The following C1orf198 variants were observed in gnomAD, a reference collection of about 807,000 sequenced individuals.
C1orf198 encodes the protein chromosome 1 open reading frame 198.
A neutral mutation model predicts 31.4 loss-of-function variants in C1orf198; 17 were observed. The observed-to-expected ratio is 0.54, with a 90% CI of 0.37 to 0.81. The LOEUF (loss-of-function observed/expected upper bound fraction) is 0.81, where lower values mean the gene tolerates loss of function less well. Ranked by LOEUF, C1orf198 falls within the 40% of genes least tolerant of loss-of-function variation. The probability of loss-of-function intolerance (pLI) is 0.00; values close to 1 mark genes in which losing one functional copy is unlikely to be tolerated. For synonymous variants in C1orf198, 175 were observed against 193.8 expected (o/e 0.90, Z 0.81); for missense variants, 401 against 450.3 (o/e 0.89, Z 0.99).
At chr1:230,853,761 A>G (rs1003464541) in intron 2 of C1orf198, among the ~76,000 whole-genome samples, 6 of 152,202 alleles carry the variant, frequency 3.9e-5, no homozygotes, top group East Asian at 1.9e-4. Context: ...TGGGTGACAC[A>G]TATTAACCAG....
In C1orf198 at chr1:230,853,533, C is replaced by T. The variant is rs546584770; in HGVS notation, c.384+2135G>A. Among the ~76,000 whole-genome samples, 12 of 152,186 alleles carry T rather than the reference C, an allele frequency of 7.9e-5. No homozygotes were observed. In the South Asian group the frequency reaches 2.5e-3, roughly 32 times the overall value. On this transcript the variant is annotated intron_variant, in intron 2 of 3. Coordinates refer to ENST00000366663, the MANE Select transcript of C1orf198 (RefSeq NM_032800.3). ...GTGAAGAAGGAGGAAGGGACAGCTC[C>T]CTTGCTCTCTGAGATACGCTCTATT...
rs770424358 is a variant in C1orf198, at chr1:230,868,492, C to A, written c.21G>T (p.Ala7=). The A allele has an allele frequency of 2.2e-5, 32 of 1,478,320 alleles. No individual in the cohort carries two copies. In the Admixed American group the frequency reaches 3.6e-4, roughly 17 times the overall value. 91.6% of individuals were successfully genotyped at this position (1,478,320 alleles called of 1,614,324 possible). A position where few individuals can be genotyped will look rare whatever the true frequency, so the allele number is the denominator to read the frequency against. The change falls in exon 1 of 4, where the codon GCG becomes GCT. Residue 7 remains alanine, a synonymous_variant. Transcript: ENST00000366663. MASMAA[A]IAASRSAVMS... is the part of the protein sequence containing the mutation. Reference sequence around the variant, plus strand: ...TGACCGCCGAGCGCGAAGCCGCGATCGCCGCCGCCATGGACGCCATGCCCG... The same window carrying A: ...TGACCGCCGAGCGCGAAGCCGCGATAGCCGCCGCCATGGACGCCATGCCCG...
Position 230,843,918 on chromosome 1 carries a change from G to A in C1orf198, c.385-22C>T, listed in dbSNP as rs780063803. The A allele has an allele frequency of 1.3e-6, 2 of 1,496,624 alleles. No individual in the cohort carries two copies. Among genetic ancestry groups the A allele is most frequent in the Non-Finnish European group, 1.8e-6 (2 of 1,128,930 alleles). 92.7% of individuals were successfully genotyped at this position (1,496,624 alleles called of 1,614,324 possible). A position where few individuals can be genotyped will look rare whatever the true frequency, so the allele number is the denominator to read the frequency against. The stretch of plus-strand genomic sequence containing the variant: ...GACTCTAGGGTGGGACATGAGAAAG[G>A]ACAGAAAAAAGAAAGAGATCCTGAG... On this transcript the variant is annotated intron_variant, in intron 2 of 3. Transcript: ENST00000366663. The surrounding 1 kb of genome is among the most constrained non-coding windows in gnomAD (Gnocchi z 4.9).
chr1:230,861,809 T>G (rs1572139367), intron 1 of C1orf198, among the ~76,000 whole-genome samples: 1 of 151,478 alleles, frequency 6.6e-6, no homozygotes. Flanking sequence ...AGGCGGGGAG[T>G]GAGGGGCTTT....
rs1292070097 is a variant in C1orf198, at chr1:230,868,322, G to C, written c.191C>G (p.Ala64Gly). ...YGPEWARLPP[A>G]QQDEIIDRCL... ...CCGGTCGATGATCTCGTCCTGCTGC[G>C]CGGGCGGCAGCCGCGCCCACTCGGG... Residue 64 changes from alanine to glycine, a missense_variant, in exon 1 of 4, where the codon GCG becomes GGG. Physicochemically the swap from Ala to Gly is moderately conservative, Grantham distance 60 (BLOSUM62 0). Transcript: ENST00000366663. 1 of 1,596,002 alleles carries C rather than the reference G, an allele frequency of 6.3e-7. No homozygotes were observed. Among genetic ancestry groups the C allele is most frequent in the South Asian group, 1.1e-5 (1 of 89,388 alleles).
intron 2 of C1orf198, among the ~76,000 whole-genome samples, chr1:230,847,047 G>A (rs1162886514): frequency 6.9e-6 from 1 of 144,252 alleles, no homozygotes; most frequent in Non-Finnish European, 1.5e-5. Context: ...AGCTTGCAGT[G>A]AGCCGAAATC....
At chr1:230,861,799 A>G (rs1360382544) in intron 1 of C1orf198, among the ~76,000 whole-genome samples, 1 of 152,166 alleles carries the variant, frequency 6.6e-6, no homozygotes, top group African/African-American at 2.4e-5. Context: ...AAAAACAGCT[A>G]GGCGGGGAGT....
At position 230,844,139 on chromosome 1, in the gene C1orf198, C is replaced by T. The variant is rs571239700; in HGVS notation, c.385-243G>A. On this transcript the variant is annotated intron_variant, in intron 2 of 3. Transcript: ENST00000366663. ...CGGGTGACAGAGTGTGGGTGGTGGT[C>T]CCCTCCCAAATCTCATGTCGAACTG... is the stretch of plus-strand genomic sequence containing the variant. Among the ~76,000 whole-genome samples the T allele has an allele frequency of 8.7e-4, 132 of 152,114 alleles. 1 individual carries two copies. The highest frequency in any genetic ancestry group is 3.1e-3 in the African/African-American group (130 of 41,494).
Position 230,840,179 on chromosome 1 carries a change from T to C in C1orf198, c.928-271A>G, listed in dbSNP as rs920804520. ...ACAGACCTTACAGAGAAAAGAACAA[T>C]GTCTCTGTATTTTTCTATAAATCTT... On this transcript the variant is annotated intron_variant, in intron 3 of 3. Coordinates refer to ENST00000366663, the MANE Select transcript of C1orf198 (RefSeq NM_032800.3). The surrounding 1 kb of genome is among the most constrained non-coding windows in gnomAD (Gnocchi z 4.0). Among the ~76,000 whole-genome samples the C allele has an allele frequency of 2.0e-5, 3 of 152,198 alleles. No individual in the cohort carries two copies. Among genetic ancestry groups the C allele is most frequent in the Middle Eastern group, 3.2e-3 (1 of 316 alleles).
At position 230,838,515 on chromosome 1, in the gene C1orf198, A is replaced by T. The variant is rs1010189; in HGVS notation, c.*1337T>A. 51,299 of 126,938 alleles carry T rather than the reference A, an allele frequency of 0.4. 8,775 individuals carry two copies. The highest frequency in any genetic ancestry group is 0.52 in the East Asian group (2,379 of 4,614). The allele number at this position is 126,938 out of a possible 1,614,324, so 7.9% of individuals were successfully genotyped here. ...AGAAGGTCCTATGAAACAGGCATTT[A>T]AAAAAAAAAAAAAAAGAAGAAGACA... On this transcript the variant is annotated 3_prime_UTR_variant, in exon 4 of 4. Coordinates refer to ENST00000366663, the MANE Select transcript of C1orf198 (RefSeq NM_032800.3). This position sits in a 1 kb window ranked among gnomAD's most constrained non-coding sequence, Gnocchi z 4.2.
At chr1:230,865,862 G>C (rs139313198) in intron 1 of C1orf198, among the ~76,000 whole-genome samples, 2 of 152,202 alleles carry the variant, frequency 1.3e-5, no homozygotes, top group African/African-American at 4.8e-5. Context: ...GACTTAAAAC[G>C]TTGCTATGTG....
intron 1 of C1orf198, among the ~76,000 whole-genome samples, chr1:230,859,771 T>C (rs924715353): frequency 1.3e-5 from 2 of 152,178 alleles, no homozygotes; most frequent in African/African-American, 4.8e-5. Flanking sequence ...GAGTATTTGC[T>C]CTTCTCTGGG....
chr1:230,855,977 A>G lies in C1orf198; in HGVS notation c.334-259T>C, dbSNP rs373700711. 1,808 of 1,271,502 alleles carry G rather than the reference A, an allele frequency of 1.4e-3. 1 individual carries two copies. The highest frequency in any genetic ancestry group is 1.7e-3 in the Non-Finnish European group (1,685 of 1,006,798). 78.8% of individuals were successfully genotyped at this position (1,271,502 alleles called of 1,614,324 possible). A position where few individuals can be genotyped will look rare whatever the true frequency, so the allele number is the denominator to read the frequency against. Reference sequence around the variant, plus strand: ...CAGGGAATGCCGGTGAGGCCCCCCAATGGACTCAGACAGATGAGATGAGTA... The same window carrying G: ...CAGGGAATGCCGGTGAGGCCCCCCAGTGGACTCAGACAGATGAGATGAGTA... On this transcript the variant is annotated intron_variant, in intron 1 of 3. Transcript: ENST00000366663.
At chr1:230,853,501 C>T (rs1669796135) in intron 2 of C1orf198, among the ~76,000 whole-genome samples, 2 of 152,092 alleles carry the variant, frequency 1.3e-5, no homozygotes, top group Admixed American at 1.3e-4. Flanking sequence ...AAACTCGGCA[C>T]TGCCTAGTGA....
intron 3 of C1orf198, 90 bp from the exon 4 acceptor site, chr1:230,839,998 C>T: frequency 8.7e-7 from 1 of 1,148,826 alleles, no homozygotes; most frequent in South Asian, 1.4e-5. Context: ...TAAAACGACC[C>T]AGATAAAAGA....
intron 3 of C1orf198, among the ~76,000 whole-genome samples, chr1:230,842,022 T>C (rs1228903065): frequency 1.3e-5 from 2 of 152,092 alleles, no homozygotes; most frequent in African/African-American, 4.8e-5. Flanking sequence ...GTAAAGTAAG[T>C]CAGTCACAAA....
Position 230,843,776 on chromosome 1 carries a change from G to A in C1orf198, c.505C>T (p.Gln169Ter). 1 of 1,612,204 alleles carries A rather than the reference G, an allele frequency of 6.2e-7. No individual in the cohort carries two copies. The highest frequency in any genetic ancestry group is 8.5e-7 in the Non-Finnish European group (1 of 1,178,744). Residue 169 changes from glutamine (Q) to a stop codon, truncating the protein, a stop_gained, in exon 3 of 4, where the codon CAA becomes TAA. Transcript: ENST00000366663. LOFTEE classifies it high-confidence loss of function. This position sits in a 1 kb window ranked among gnomAD's most constrained non-coding sequence, Gnocchi z 4.9. ...SQGSQALKSS[Q>*]GSRSSSLDAL... ...TCCAGGCTGGAGGACCTGCTGCCTT[G>A]GGAGGACTTGAGGGCCTGGGAGCCC...
chr1:230,845,720 A>G (rs1382230580), intron 2 of C1orf198, among the ~76,000 whole-genome samples: 1 of 152,106 alleles, frequency 6.6e-6, no homozygotes. Flanking sequence ...AAGAAAATAT[A>G]CATTAAAAAT....
chr1:230,841,879 G>T (rs1253631980), intron 3 of C1orf198, among the ~76,000 whole-genome samples: 19 of 152,166 alleles, frequency 1.2e-4, no homozygotes, highest in Admixed American at 1.2e-3. Flanking sequence ...CCAGAAGGTG[G>T]AAGCAACCCA....
Sources: gnomAD v4.1 joint callset for allele counts (sites outside exome capture counted in the v4.1 genomes callset) on GRCh38, gnomAD v4.1.1 for gene constraint, Gnocchi (gnomAD v3.1) non-coding constraint, MANE v1.5 for transcripts, NCBI Gene and HGNC (gene_info 2026-07-23, HGNC 2026-07-21) for gene names.